AAK1: variants seen among roughly 807,000 people sequenced by gnomAD.
AAK1 encodes AP2 associated kinase 1.
Under a neutral mutation model 116.0 loss-of-function variants are expected in AAK1, and 37 were observed. The ratio of observed to expected loss-of-function variants is 0.32; its 90% CI spans 0.25 to 0.42. AAK1 has a LOEUF of 0.42. Ranked by LOEUF, AAK1 falls within the 10% of genes least tolerant of loss-of-function variation. The pLI, the probability that AAK1 is intolerant of heterozygous loss-of-function variation, is 1.00. For missense variants in AAK1, 919 were observed against 1,170.6 expected, an observed-to-expected ratio of 0.79 and a Z score of 3.14; for synonymous variants, 458 against 439.9, an observed-to-expected ratio of 1.04 and a Z score of -0.51.
chr2:69,519,356 C>T lies in AAK1; in HGVS notation c.1211-116G>A, dbSNP rs866583553. On this transcript the variant is annotated intron_variant, in intron 11 of 21. Coordinates refer to ENST00000409085, the MANE Select transcript of AAK1 (RefSeq NM_014911.5). ...CAAGTGTGCAGAGTATCTCAAGATTCGTGTCCTCCTCACTGTCTTTCCACA... is the reference window on the plus strand; with the variant it reads ...CAAGTGTGCAGAGTATCTCAAGATTTGTGTCCTCCTCACTGTCTTTCCACA... 4.4e-5 allele frequency: 60 copies of T among 1,355,022 alleles called. No homozygotes were observed. The South Asian group carries it at 7.7e-4, about 17-fold the overall frequency. 83.9% of individuals were successfully genotyped at this position (1,355,022 alleles called of 1,614,324 possible).
Position 69,465,871 on chromosome 2 carries a change from G to A in AAK1, c.*9998C>T, listed in dbSNP as rs938288632. The A allele has an allele frequency of 1.5e-5, 20 of 1,290,680 alleles. No homozygotes were observed. The highest frequency in any genetic ancestry group is 1.8e-5 in the Non-Finnish European group (18 of 988,852). The allele number at this position is 1,290,680 out of a possible 1,614,324, so 80.0% of individuals were successfully genotyped here. ...ACAGAGGTGTACACAGCTCTCTCAC[G>A]GCCCGCGGGCAGGGGGACATCACCT... On this transcript the variant is annotated 3_prime_UTR_variant, in exon 22 of 22. Coordinates refer to ENST00000409085, the MANE Select transcript of AAK1 (RefSeq NM_014911.5).
intron 2 of AAK1, among the ~76,000 whole-genome samples, chr2:69,634,538 G>GA (rs1675364922): frequency 6.6e-6 from 1 of 152,230 alleles, no homozygotes. Context: ...AAACAGAGAA[G>GA]TAATGGAAGA....
At chr2:69,594,521 T>C (rs887477566) in intron 2 of AAK1, among the ~76,000 whole-genome samples, 1 of 152,218 alleles carries the variant, frequency 6.6e-6, no homozygotes, top group Non-Finnish European at 1.5e-5. Flanking sequence ...GGTAATACCA[T>C]AGCAGAGAGC....
intron 10 of AAK1, among the ~76,000 whole-genome samples, chr2:69,522,215 A>C (rs1207017434): frequency 6.6e-6 from 1 of 152,192 alleles, no homozygotes; most frequent in African/African-American, 2.4e-5. Context: ...TTAGGCCAAA[A>C]TTAATAAGTT....
chr2:69,504,961 T>C (rs565111843), intron 16 of AAK1, among the ~76,000 whole-genome samples: 5 of 152,346 alleles, frequency 3.3e-5, no homozygotes, highest in Admixed American at 1.3e-4. Flanking sequence ...AACTTTTATA[T>C]AATCAAAATG....
intron 2 of AAK1, among the ~76,000 whole-genome samples, chr2:69,590,334 G>C (rs182242559): frequency 3.4e-4 from 52 of 152,354 alleles, no homozygotes; most frequent in African/African-American, 1.2e-3. Flanking sequence ...GAAATGCTAA[G>C]GATTAAAGCA....
intron 3 of AAK1, among the ~76,000 whole-genome samples, chr2:69,554,000 C>A (rs1671290951): frequency 6.6e-6 from 1 of 151,526 alleles, no homozygotes; most frequent in South Asian, 2.1e-4. Flanking sequence ...TTGCTTGAGA[C>A]CAGGAGATGG....
At chr2:69,510,791 A>T (rs1676362918) in intron 13 of AAK1, among the ~76,000 whole-genome samples, 1 of 152,156 alleles carries the variant, frequency 6.6e-6, no homozygotes, top group African/African-American at 2.4e-5. Flanking sequence ...GTTTAGTGGG[A>T]TTAACTTGTT....
chr2:69,611,438 T>C (rs1455186992), intron 2 of AAK1, among the ~76,000 whole-genome samples: 1 of 152,186 alleles, frequency 6.6e-6, no homozygotes, highest in East Asian at 1.9e-4. Context: ...TGAGACTTCC[T>C]TGGTAAAACT....
chr2:69,558,740 G>C (rs1489468598), intron 2 of AAK1, among the ~76,000 whole-genome samples: 1 of 152,186 alleles, frequency 6.6e-6, no homozygotes, highest in South Asian at 2.1e-4. Flanking sequence ...ACATAGTACT[G>C]GGTTAGGAGC....
In AAK1 at chr2:69,643,546, C is replaced by A. The variant is rs561502722; in HGVS notation, c.-235+29G>T. The A allele has an allele frequency of 5.7e-6, 7 of 1,227,814 alleles. No individual in the cohort carries two copies. The African/African-American group carries it at 1.1e-4, about 19-fold the overall frequency. The allele number at this position is 1,227,814 out of a possible 1,614,324, so 76.1% of individuals were successfully genotyped here. ...GCTCCTCCCGGGTCTCCCCGCCGCC[C>A]CTCGAGGCGGCATCCTGGCAGCACC... On this transcript the variant is annotated intron_variant, in intron 1 of 21. Transcript: ENST00000409085.
At chr2:69,488,720 T>C (rs1203102941) in intron 17 of AAK1, among the ~76,000 whole-genome samples, 1 of 152,052 alleles carries the variant, frequency 6.6e-6, no homozygotes, top group Non-Finnish European at 1.5e-5. Context: ...ATGTCTTGGG[T>C]GAGAACAGAA....
At chr2:69,565,523 C>T (rs960781720) in intron 2 of AAK1, among the ~76,000 whole-genome samples, 13 of 152,198 alleles carry the variant, frequency 8.5e-5, no homozygotes, top group African/African-American at 2.2e-4. Flanking sequence ...ACCTAGTGGC[C>T]GGACCAGGGC....
At chr2:69,632,424 T>C (rs1485391266) in intron 2 of AAK1, among the ~76,000 whole-genome samples, 3 of 152,224 alleles carry the variant, frequency 2.0e-5, no homozygotes, top group African/African-American at 7.2e-5. Context: ...GATCCCATAG[T>C]GCACAAGACA....
chr2:69,497,370 T>C (rs1035827344), intron 16 of AAK1, among the ~76,000 whole-genome samples: 1 of 149,570 alleles, frequency 6.7e-6, no homozygotes, highest in African/African-American at 2.5e-5. Context: ...TGGTGCAATT[T>C]TGGCTCACTG....
At chr2:69,518,214 A>G (rs986410414) in intron 12 of AAK1, among the ~76,000 whole-genome samples, 2 of 152,208 alleles carry the variant, frequency 1.3e-5, no homozygotes, top group Non-Finnish European at 1.5e-5. Flanking sequence ...AAAACAATAT[A>G]GACCAACTAA....
At chr2:69,636,844 TA>T (rs1447076758) in intron 2 of AAK1, among the ~76,000 whole-genome samples, 1 of 151,722 alleles carries the variant, frequency 6.6e-6, no homozygotes, top group African/African-American at 2.4e-5. Flanking sequence ...GAATTACAGG[TA>T]GCCGCCACCA....
At chr2:69,622,559 A>T (rs1019998617) in intron 2 of AAK1, among the ~76,000 whole-genome samples, 1 of 152,246 alleles carries the variant, frequency 6.6e-6, no homozygotes, top group African/African-American at 2.4e-5. Context: ...CTGTAAGTAC[A>T]CCAATCGACA....
At chr2:69,500,615 A>G (rs1323705185) in intron 16 of AAK1, among the ~76,000 whole-genome samples, 4 of 147,164 alleles carry the variant, frequency 2.7e-5, no homozygotes, top group African/African-American at 1.0e-4. Flanking sequence ...TATTACTGTC[A>G]TAACTTTACT....
Sources: allele counts gnomAD v4.1 joint callset (sites outside exome capture counted in the v4.1 genomes callset), GRCh38; gene constraint gnomAD v4.1.1; transcripts MANE v1.5; gene names NCBI Gene and HGNC (gene_info 2026-07-23, HGNC 2026-07-21).